Variants in MAPKAP1 observed in about 807,000 individuals in gnomAD.
The protein encoded by MAPKAP1 is target of rapamycin complex 2 subunit MAPKAP1.
In MAPKAP1, 20 loss-of-function variants were observed where a neutral mutation model predicts 65.7. That is an observed-to-expected ratio of 0.30 (90% CI 0.21 to 0.44). The LOEUF (loss-of-function observed/expected upper bound fraction) is 0.44. MAPKAP1 is among the 20% of genes least tolerant of loss of function. The pLI is 1.00. For missense variants in MAPKAP1, 423 were observed against 648.0 expected, an observed-to-expected ratio of 0.65 and a Z score of 3.77; for synonymous variants, 222 against 244.3, an observed-to-expected ratio of 0.91 and a Z score of 0.85.
chr9:125,453,392 A>G (rs1334751844), intron 10 of MAPKAP1, among the ~76,000 whole-genome samples: 1 of 152,256 alleles, frequency 6.6e-6, no homozygotes. Context: ...TCTCTTTAAC[A>G]TTTGGTTGAA....
chr9:125,441,320 G>A (rs961061931), intron 11 of MAPKAP1, among the ~76,000 whole-genome samples: 9 of 152,164 alleles, frequency 5.9e-5, no homozygotes, highest in Non-Finnish European at 1.0e-4. Flanking sequence ...GGAAGAGGGC[G>A]GCTCTGGAGC....
At chr9:125,564,691 T>C (rs541280216) in intron 5 of MAPKAP1, among the ~76,000 whole-genome samples, 1 of 152,278 alleles carries the variant, frequency 6.6e-6, no homozygotes, top group Non-Finnish European at 1.5e-5. Context: ...GATTGAATGA[T>C]TGAATTTATT....
At chr9:125,465,568 T>C (rs1341349499) in intron 10 of MAPKAP1, among the ~76,000 whole-genome samples, 1 of 152,204 alleles carries the variant, frequency 6.6e-6, no homozygotes, top group East Asian at 1.9e-4. Context: ...CAACATAAAT[T>C]ATGTGGAATA....
intron 1 of MAPKAP1, among the ~76,000 whole-genome samples, chr9:125,704,920 T>C (rs533980984): frequency 2.6e-5 from 4 of 152,162 alleles, no homozygotes; most frequent in Non-Finnish European, 5.9e-5. Flanking sequence ...ACCCAACCCC[T>C]AGTTGAAGAA....
At chr9:125,520,203 T>C (rs1235414463) in intron 7 of MAPKAP1, among the ~76,000 whole-genome samples, 8 of 152,212 alleles carry the variant, frequency 5.3e-5, no homozygotes, top group South Asian at 2.1e-4. Flanking sequence ...CAAGGATTCA[T>C]TGAGTTAATA....
intron 5 of MAPKAP1, among the ~76,000 whole-genome samples, chr9:125,584,274 TACTC>T (rs1410079252): frequency 2.6e-5 from 4 of 152,120 alleles, no homozygotes; most frequent in African/African-American, 9.7e-5. Context: ...GTCCACAACT[TACTC>T]AGGCAAAGTG....
intron 7 of MAPKAP1, among the ~76,000 whole-genome samples, chr9:125,535,189 T>G (rs150296130): frequency 1.7e-3 from 263 of 152,338 alleles, no homozygotes; most frequent in African/African-American, 5.9e-3. Flanking sequence ...TGTGACTACA[T>G]CTCAAAACAT....
intron 10 of MAPKAP1, among the ~76,000 whole-genome samples, chr9:125,460,497 C>T (rs915229922): frequency 6.6e-6 from 1 of 152,206 alleles, no homozygotes; most frequent in African/African-American, 2.4e-5. Flanking sequence ...CTTACACGTT[C>T]TGTAAACATA....
chr9:125,546,268 G>T (rs1488461140), intron 6 of MAPKAP1, among the ~76,000 whole-genome samples: 1 of 152,196 alleles, frequency 6.6e-6, no homozygotes, highest in African/African-American at 2.4e-5. Context: ...AAGAGGTTCT[G>T]CCCTGAGTGC....
intron 1 of MAPKAP1, among the ~76,000 whole-genome samples, chr9:125,693,658 TAC>T (rs35093957): frequency 0.05 from 7,057 of 139,946 alleles, 306 homozygotes; most frequent in Non-Finnish European, 0.069. Flanking sequence ...CACGTATACA[TAC>T]ACACACATAT....
chr9:125,533,336 G>A (rs1829985098), intron 7 of MAPKAP1, among the ~76,000 whole-genome samples: 1 of 152,134 alleles, frequency 6.6e-6, no homozygotes, highest in African/African-American at 2.4e-5. Flanking sequence ...TGAGATACTG[G>A]CTGCTAACCA....
At chr9:125,601,531 T>C (rs1832300040) in intron 4 of MAPKAP1, among the ~76,000 whole-genome samples, 1 of 151,738 alleles carries the variant, frequency 6.6e-6, no homozygotes, top group Non-Finnish European at 1.5e-5. Context: ...TGTATCATTA[T>C]TTAGAAAGTC....
At position 125,438,843 on chromosome 9, in the gene MAPKAP1, G is replaced by A. The variant is rs1404943072; in HGVS notation, c.*44C>T. ...GACTCTAGGGCACTTGGCCCTGGCAGGCAGGCTCTGAGCTACGGAACAGAT... is the reference window on the plus strand; with the variant it reads ...GACTCTAGGGCACTTGGCCCTGGCAAGCAGGCTCTGAGCTACGGAACAGAT... On this transcript the variant is annotated 3_prime_UTR_variant, in exon 12 of 12. Transcript: ENST00000265960. 6.2e-7 allele frequency: 1 copy of A among 1,612,884 alleles called. No individual in the cohort carries two copies. The highest frequency in any genetic ancestry group is 8.5e-7 in the Non-Finnish European group (1 of 1,179,330).
At chr9:125,458,317 A>G (rs999886027) in intron 10 of MAPKAP1, among the ~76,000 whole-genome samples, 1 of 151,768 alleles carries the variant, frequency 6.6e-6, no homozygotes, top group African/African-American at 2.4e-5. Context: ...CAGCAGATTA[A>G]TAAGTGAACA....
At chr9:125,571,898 G>C (rs1831245127) in intron 5 of MAPKAP1, among the ~76,000 whole-genome samples, 1 of 151,978 alleles carries the variant, frequency 6.6e-6, no homozygotes, top group Admixed American at 6.6e-5. Flanking sequence ...ATATCCTGCT[G>C]ATCCTTTGTT....
rs892714164 is a variant in MAPKAP1, at chr9:125,479,541, T to C, written c.1207+4902A>G. 4.6e-5 allele frequency among the ~76,000 whole-genome samples: 7 copies of C among 151,162 alleles called. 1 individual carries two copies. Among genetic ancestry groups the C allele is most frequent in the African/African-American group, 1.7e-4 (7 of 41,148 alleles). ...GTTGCAGTGAGCCGAGACTGTACCA[T>C]TGCACTCCAGCCTGGGCAACAAGAG... On this transcript the variant is annotated intron_variant, in intron 9 of 11. Coordinates refer to ENST00000265960, the MANE Select transcript of MAPKAP1 (RefSeq NM_001006617.3).
Position 125,558,046 on chromosome 9 carries a change from G to A in MAPKAP1, c.848+1587C>T, listed in dbSNP as rs566162513. Among the ~76,000 whole-genome samples, 68 of 152,134 alleles carry A rather than the reference G, an allele frequency of 4.5e-4. 1 individual carries two copies. The highest frequency in any genetic ancestry group is 2.5e-3 in the Admixed American group (38 of 15,290). ...TAATTTTTGTATTTTTAGTAGAGAC[G>A]GGGTTTCACCATGTTGGCCAAGCTG... On this transcript the variant is annotated intron_variant, in intron 6 of 11. Transcript: ENST00000265960.
intron 1 of MAPKAP1, among the ~76,000 whole-genome samples, chr9:125,697,151 G>T: frequency 6.6e-6 from 1 of 152,174 alleles, no homozygotes; most frequent in Non-Finnish European, 1.5e-5. Flanking sequence ...GCTTTCCTGG[G>T]AATAGTAACA....
Position 125,514,655 on chromosome 9 carries a change from A to G in MAPKAP1, c.959-8238T>C, listed in dbSNP as rs1023560506. ...GCTGAGGCTGAGAAGCTTGGCCCAG[A>G]TTGTTGGTCAAGATTTGGATTTTCT... On this transcript the variant is annotated intron_variant, in intron 7 of 11. Coordinates refer to ENST00000265960, the MANE Select transcript of MAPKAP1 (RefSeq NM_001006617.3). Among the ~76,000 whole-genome samples, 5 of 152,300 alleles carry G rather than the reference A, an allele frequency of 3.3e-5. No homozygotes were observed. The South Asian group carries it at 1.0e-3, about 32-fold the overall frequency.
Sources: gnomAD v4.1 joint callset for allele counts (sites outside exome capture counted in the v4.1 genomes callset) on GRCh38, gnomAD v4.1.1 for gene constraint, MANE v1.5 for transcripts, NCBI Gene and HGNC (gene_info 2026-07-23, HGNC 2026-07-21) for gene names.